The following URB2 variants were observed in gnomAD, a reference collection of about 807,000 sequenced individuals.
URB2 encodes unhealthy ribosome biogenesis protein 2 homolog.
In URB2, 86 loss-of-function variants were observed where a neutral mutation model predicts 120.9. That is an observed-to-expected ratio of 0.71 (90% CI 0.60 to 0.85). URB2 has a LOEUF of 0.85. Among genes scored for constraint, URB2 ranks in the 40% least tolerant of loss-of-function variants. The pLI is 0.00. For missense variants in URB2, 1,765 were observed against 1,836.5 expected (o/e 0.96, Z 0.71); for synonymous variants, 755 against 758.4 (o/e 1.00, Z 0.07).
In URB2 at chr1:229,631,958, C is replaced by T. The variant is rs565815096; in HGVS notation, c.127-311C>T. Among the ~76,000 whole-genome samples the T allele has an allele frequency of 4.6e-5, 7 of 152,240 alleles. No individual in the cohort carries two copies. The South Asian group carries it at 8.3e-4, about 18-fold the overall frequency. On this transcript the variant is annotated intron_variant, in intron 2 of 9. Coordinates refer to ENST00000258243, the MANE Select transcript of URB2 (RefSeq NM_014777.4). ...AAATGCAATATCTGTATCTACAAGG[C>T]ACAATAAAATGAGGTATGCCTGTAT... is the stretch of plus-strand genomic sequence containing the variant.
intron 6 of URB2, 46 bp from the exon 7 acceptor site, chr1:229,647,464 T>C: frequency 6.3e-7 from 1 of 1,589,730 alleles, no homozygotes; most frequent in Middle Eastern, 1.7e-4. Context: ...TGTTATTTCC[T>C]TGGGGAATTA....
In URB2 at chr1:229,635,573, C is replaced by T. The variant is rs1665782468; in HGVS notation, c.960C>T (p.Asn320=). The change falls in exon 4 of 10, where the codon AAC becomes AAT. Residue 320 remains asparagine (N), a synonymous_variant. Transcript: ENST00000258243. ...LFLDSYFKEG[N]QLLCFQVLPR... is the part of the protein sequence containing the mutation. ...TAGATTCTTACTTTAAGGAGGGAAA[C>T]CAGCTTCTCTGCTTCCAGGTTCTCC... 1 of 1,613,968 alleles carries T rather than the reference C, an allele frequency of 6.2e-7. No individual in the cohort carries two copies. The highest frequency in any genetic ancestry group is 1.3e-5 in the African/African-American group (1 of 74,928).
At chr1:229,634,557 C>T (rs188069519) in intron 3 of URB2, among the ~76,000 whole-genome samples, 42 of 152,296 alleles carry the variant, frequency 2.8e-4, no homozygotes, top group African/African-American at 9.9e-4. Context: ...AACTTTCCCT[C>T]TGCCTGGTAA....
In URB2 at chr1:229,659,271, G is replaced by T; in HGVS notation, c.4549G>T (p.Glu1517Ter). The T allele has an allele frequency of 6.2e-7, 1 of 1,614,012 alleles. No individual in the cohort carries two copies. The highest frequency in any genetic ancestry group is 8.5e-7 in the Non-Finnish European group (1 of 1,180,042). ...DYLKYHKAKH[E>*]GEKRYTA is the part of the protein sequence containing the mutation. ...TCTCAAGTACCACAAGGCCAAACAT[G>T]AAGGAGAGAAAAGATATACGGCCTA... The change falls in exon 10 of 10, where the codon GAA becomes TAA. Residue 1517 changes from glutamate (E) to a stop codon, truncating the protein, a stop_gained. Coordinates refer to ENST00000258243, the MANE Select transcript of URB2 (RefSeq NM_014777.4). LOFTEE classifies it high-confidence loss of function.
In URB2 at chr1:229,654,388, G is replaced by A; in HGVS notation, c.4377G>A (p.Lys1459=). The part of the protein sequence containing the change: ...MVAQYVLEVQ[K]VTLYPAVKSL... ...CCCAGTACGTGTTGGAGGTACAGAAGGTAAAATTGGGTTCAATGTCTTTCA... is the reference window on the plus strand; with the variant it reads ...CCCAGTACGTGTTGGAGGTACAGAAAGTAAAATTGGGTTCAATGTCTTTCA... Residue 1459 remains lysine, a splice_region_variant and synonymous_variant, in exon 9 of 10, where the codon AAG becomes AAA. Coordinates refer to ENST00000258243, the MANE Select transcript of URB2 (RefSeq NM_014777.4). 1 of 1,614,108 alleles carries A rather than the reference G, an allele frequency of 6.2e-7. No individual in the cohort carries two copies. The highest frequency in any genetic ancestry group is 8.5e-7 in the Non-Finnish European group (1 of 1,180,016).
intron 4 of URB2, among the ~76,000 whole-genome samples, 182 bp from the exon 5 acceptor site, chr1:229,643,351 G>T (rs1055165623): frequency 3.3e-5 from 5 of 152,272 alleles, no homozygotes; most frequent in African/African-American, 1.2e-4. Context: ...AGCTGTGCGT[G>T]TGAGAGCATG....
chr1:229,628,181 A>ATATTATAC lies in URB2; in HGVS notation c.126+422_126+423insTATTATAC, dbSNP rs371268510. On this transcript the variant is annotated intron_variant, in intron 2 of 9. Transcript: ENST00000258243. ...GTATATGTATAGTATATATGTATAT[A>ATATTATAC]ATATATATAATATATATGTATATAT... is the stretch of plus-strand genomic sequence containing the variant. Among the ~76,000 whole-genome samples the ATATTATAC allele has an allele frequency of 1.3e-3, 91 of 70,716 alleles. 1 individual carries two copies. In the South Asian group the frequency reaches 0.014, roughly 11 times the overall value. 46.4% of individuals were successfully genotyped at this position (70,716 alleles called of 152,430 possible).
intron 2 of URB2, 128 bp downstream of exon 2, chr1:229,627,887 G>C: frequency 8.5e-7 from 1 of 1,171,940 alleles, no homozygotes; most frequent in Non-Finnish European, 1.1e-6. Flanking sequence ...TTTGTTGGAA[G>C]TTAAATGTAA....
intron 4 of URB2, among the ~76,000 whole-genome samples, chr1:229,641,743 G>A (rs1264077031): frequency 6.6e-6 from 1 of 152,182 alleles, no homozygotes; most frequent in Non-Finnish European, 1.5e-5. Context: ...ATGCTTCTTG[G>A]CTGGGAGTGG....
At position 229,635,192 on chromosome 1, in the gene URB2, C is replaced by T; in HGVS notation, c.579C>T (p.Ala193=). 4.3e-6 allele frequency: 7 copies of T among 1,614,240 alleles called. No individual in the cohort carries two copies. Among genetic ancestry groups the T allele is most frequent in the Non-Finnish European group, 5.9e-6 (7 of 1,180,046 alleles). ...ILQQQVNPRR[A]FGDVTAHLLQ... is the part of the protein sequence containing the mutation. Reference sequence around the variant, plus strand: ...AGCAGCAGGTCAACCCAAGACGTGCCTTTGGGGATGTGACTGCTCACCTGC... The same window carrying T: ...AGCAGCAGGTCAACCCAAGACGTGCTTTTGGGGATGTGACTGCTCACCTGC... Residue 193 remains alanine (A), a synonymous_variant, in exon 4 of 10, where the codon GCC becomes GCT. Transcript: ENST00000258243.
At chr1:229,633,250 G>T (rs1665716080) in intron 3 of URB2, among the ~76,000 whole-genome samples, 1 of 152,242 alleles carries the variant, frequency 6.6e-6, no homozygotes, top group African/African-American at 2.4e-5. Context: ...TGGTTCTTGA[G>T]ATTGTGTTCC....
In URB2 at chr1:229,659,993, A is replaced by C. The variant is rs1666486517; in HGVS notation, c.*696A>C. ...CCTAATTGTTTTTTCTTATTACCTA[A>C]GCAATATATTTTTATTATAGCAACC... On this transcript the variant is annotated 3_prime_UTR_variant, in exon 10 of 10. Transcript: ENST00000258243. 2 of 152,332 alleles carry C rather than the reference A, an allele frequency of 1.3e-5. No individual in the cohort carries two copies. Among genetic ancestry groups the C allele is most frequent in the African/African-American group, 4.8e-5 (2 of 41,560 alleles). The allele number at this position is 152,332 out of a possible 1,614,324, so 9.4% of individuals were successfully genotyped here.
In URB2 at chr1:229,635,576, G is replaced by A. The variant is rs1004863619; in HGVS notation, c.963G>A (p.Gln321=). ...ATTCTTACTTTAAGGAGGGAAACCA[G>A]CTTCTCTGCTTCCAGGTTCTCCCCA... is the stretch of plus-strand genomic sequence containing the variant. ...FLDSYFKEGN[Q]LLCFQVLPRL... The change falls in exon 4 of 10, where the codon CAG becomes CAA. Residue 321 remains glutamine, a synonymous_variant. Transcript: ENST00000258243. 1 of 1,614,088 alleles carries A rather than the reference G, an allele frequency of 6.2e-7. No homozygotes were observed. The highest frequency in any genetic ancestry group is 1.1e-5 in the South Asian group (1 of 91,090).
intron 4 of URB2, among the ~76,000 whole-genome samples, chr1:229,639,167 C>T (rs1274422513): frequency 4.6e-5 from 7 of 152,088 alleles, no homozygotes; most frequent in African/African-American, 1.4e-4. Context: ...TGGTGGCATG[C>T]GTCTGTAGTC....
chr1:229,636,235 C>T lies in URB2; in HGVS notation c.1622C>T (p.Ser541Leu), dbSNP rs1241532717. The change falls in exon 4 of 10, where the codon TCA (serine) becomes TTA (leucine). Residue 541 changes from serine (S) to leucine (L), a missense_variant. Physicochemically the swap from Ser to Leu is moderately radical, Grantham distance 145 (BLOSUM62 -2). Transcript: ENST00000258243. ...SDADMALKSLSLSLLLHCIMF... is the reference protein window; with the variant it reads ...SDADMALKSLLLSLLLHCIMF... ...GCCGACATGGCCCTGAAATCACTGTCACTGAGCTTGCTGCTGCACTGCATC... is the reference window on the plus strand; with the variant it reads ...GCCGACATGGCCCTGAAATCACTGTTACTGAGCTTGCTGCTGCACTGCATC... 18 of 1,613,444 alleles carry T rather than the reference C, an allele frequency of 1.1e-5. No individual in the cohort carries two copies. The highest frequency in any genetic ancestry group is 1.5e-5 in the Non-Finnish European group (18 of 1,179,440).
intron 3 of URB2, among the ~76,000 whole-genome samples, chr1:229,634,352 C>T (rs971524407): frequency 9.9e-5 from 15 of 151,878 alleles, no homozygotes; most frequent in Non-Finnish European, 2.1e-4. Context: ...ATTACAGCTG[C>T]CTGCCACCAT....
At chr1:229,628,145 T>G (rs533950647) in intron 2 of URB2, among the ~76,000 whole-genome samples, 1 of 133,326 alleles carries the variant, frequency 7.5e-6, no homozygotes, top group African/African-American at 2.9e-5. Context: ...AATATATATA[T>G]AATATATATA....
In URB2 at chr1:229,638,206, T is replaced by C. The variant is rs1665906842; in HGVS notation, c.3593T>C (p.Val1198Ala). Residue 1198 changes from valine (V) to alanine (A), a missense_variant, in exon 4 of 10, where the codon GTG becomes GCG. Transcript: ENST00000258243. The stretch of plus-strand genomic sequence containing the variant: ...GAACTGCATCCCAAAAAGGACTCCG[T>C]GTTTACCTCCATGTTTCATTCTGTG... ...APELHPKKDS[V>A]FTSMFHSVRR... 4 of 1,611,868 alleles carry C rather than the reference T, an allele frequency of 2.5e-6. No homozygotes were observed. The highest frequency in any genetic ancestry group is 1.1e-5 in the South Asian group (1 of 90,950).
At position 229,643,666 on chromosome 1, in the gene URB2, C is replaced by G. The variant is rs749443247; in HGVS notation, c.3768C>G (p.Val1256=). The G allele has an allele frequency of 5.1e-5, 82 of 1,613,906 alleles. No homozygotes were observed. The Admixed American group carries it at 1.3e-3, about 26-fold the overall frequency. Residue 1256 remains valine (V), a synonymous_variant, in exon 5 of 10, where the codon GTC becomes GTG. Transcript: ENST00000258243. ...VMQCILQGLD[V]SNMWKADVQA... is the part of the protein sequence containing the mutation. ...AGTGTATTCTCCAGGGACTGGATGT[C>G]AGTAACATGTGGAAAGCAGATGTGC...
Sources: gnomAD v4.1 joint callset for allele counts (sites outside exome capture counted in the v4.1 genomes callset) on GRCh38, gnomAD v4.1.1 for gene constraint, MANE v1.5 for transcripts, NCBI Gene and HGNC (gene_info 2026-07-23, HGNC 2026-07-21) for gene names.